The following METTL8 variants were observed in gnomAD, a reference collection of about 807,000 sequenced individuals.
METTL8 encodes methyltransferase 8, tRNA N3-cytidine, also known as tRNA N(3)-cytidine methyltransferase METTL8, mitochondrial.
In METTL8, 32 loss-of-function variants were observed where a neutral mutation model predicts 48.7. That is an observed-to-expected ratio of 0.66 (90% CI 0.50 to 0.88). METTL8 has a LOEUF of 0.88. Among genes scored for constraint, METTL8 ranks in the 40% least tolerant of loss-of-function variants. METTL8 has a pLI of 0.00. For missense variants in METTL8, 464 were observed against 474.4 expected, an observed-to-expected ratio of 0.98 and a Z score of 0.20; for synonymous variants, 136 against 157.1, an observed-to-expected ratio of 0.87 and a Z score of 1.01.
chr2:171,355,334 C>T (rs113279926), intron 3 of METTL8, among the ~76,000 whole-genome samples: 11 of 152,200 alleles, frequency 7.2e-5, no homozygotes, highest in African/African-American at 2.4e-4. Context: ...CTGGAAGCTT[C>T]GTCTCAGAGG....
chr2:171,328,802 G>A (rs540969065), intron 7 of METTL8, among the ~76,000 whole-genome samples: 2 of 152,158 alleles, frequency 1.3e-5, no homozygotes, highest in Non-Finnish European at 2.9e-5. Context: ...CAATTCTCCT[G>A]TCTCAGCCTC....
At chr2:171,343,125 C>G (rs939304186) in intron 3 of METTL8, among the ~76,000 whole-genome samples, 1 of 152,142 alleles carries the variant, frequency 6.6e-6, no homozygotes, top group South Asian at 2.1e-4. Context: ...AACAGGGTAA[C>G]CTTATGTAGC....
At chr2:171,344,463 G>A (rs1180193533) in intron 3 of METTL8, among the ~76,000 whole-genome samples, 3 of 152,138 alleles carry the variant, frequency 2.0e-5, no homozygotes, top group African/African-American at 7.2e-5. Context: ...CAATTATGAA[G>A]TATCAAGTTG....
chr2:171,340,384 C>T (rs140029576), intron 3 of METTL8, among the ~76,000 whole-genome samples: 1 of 144,848 alleles, frequency 6.9e-6, no homozygotes, highest in Non-Finnish European at 1.5e-5. Context: ...CACCTGTAAT[C>T]GCGGCTCCTC....
chr2:171,429,514 A>G (rs143904716), intron 1 of METTL8, among the ~76,000 whole-genome samples: 189 of 152,342 alleles, frequency 1.2e-3, no homozygotes, highest in African/African-American at 4.4e-3. Flanking sequence ...CTCATTGCTC[A>G]CAATCATTTG....
intron 1 of METTL8, among the ~76,000 whole-genome samples, chr2:171,423,274 G>A (rs755637507): frequency 6.6e-5 from 10 of 152,150 alleles, no homozygotes; most frequent in Non-Finnish European, 1.2e-4. Context: ...AGTAACGTGA[G>A]AACAGACTAA....
intron 5 of METTL8, among the ~76,000 whole-genome samples, chr2:171,334,284 G>A (rs1685857918): frequency 6.6e-6 from 1 of 152,088 alleles, no homozygotes; most frequent in Non-Finnish European, 1.5e-5. Context: ...CTGCCACGGT[G>A]GCAGCATGAC....
intron 5 of METTL8, 55 bp from the exon 6 acceptor site, chr2:171,331,922 G>A (rs949832593): frequency 6.8e-6 from 9 of 1,321,078 alleles, no homozygotes; most frequent in Non-Finnish European, 7.4e-6. Flanking sequence ...GTCTTGCGCT[G>A]TTGCCCAGGT....
chr2:171,340,678 C>G lies in METTL8; in HGVS notation c.236-1124G>C, dbSNP rs112039490. 2.6e-3 allele frequency among the ~76,000 whole-genome samples: 389 copies of G among 152,128 alleles called. 7 individuals are homozygous for G. The East Asian group carries it at 0.029, about 11-fold the overall frequency. ...CAGGAAATTTCAAAATTATAAACAA[C>G]ATAATTTAAGAGCTAAAAGGGTCCA... On this transcript the variant is annotated intron_variant, in intron 3 of 9. Transcript: ENST00000375258.
At chr2:171,414,274 G>A (rs896074593) in intron 1 of METTL8, among the ~76,000 whole-genome samples, 1 of 152,068 alleles carries the variant, frequency 6.6e-6, no homozygotes, top group Admixed American at 6.5e-5. Flanking sequence ...GAAATTAGCT[G>A]GGTGTGGTGG....
chr2:171,396,717 C>T (rs1202054938), intron 1 of METTL8, among the ~76,000 whole-genome samples: 2 of 152,052 alleles, frequency 1.3e-5, no homozygotes, highest in East Asian at 3.8e-4. Context: ...ATATGTTGAA[C>T]TGAATGATAA....
intron 2 of METTL8, among the ~76,000 whole-genome samples, chr2:171,363,792 T>TTATATTTATA (rs1685405688): frequency 1.0e-5 from 1 of 97,434 alleles, no homozygotes; most frequent in Non-Finnish European, 2.1e-5. Flanking sequence ...TCCCCAAATT[T>TTATATTTATA]TATATATATA....
intron 2 of METTL8, among the ~76,000 whole-genome samples, chr2:171,389,651 T>A (rs1688407806): frequency 6.6e-6 from 1 of 150,760 alleles, no homozygotes; most frequent in Admixed American, 6.6e-5. Flanking sequence ...AATATTCCCA[T>A]AAGCCAAAGC....
rs1439100334 is a variant in METTL8 at position 171,319,167 on chromosome 2, G to A, written c.*5005C>T. On this transcript the variant is annotated 3_prime_UTR_variant, in exon 10 of 10. Coordinates refer to ENST00000375258, the MANE Select transcript of METTL8 (RefSeq NM_001321154.2). Reference sequence around the variant, plus strand: ...AACCTTTGAAAAAGTCACTGTTGCTGGAATACTGTGTGTACTGCCTTGTAG... The same window carrying A: ...AACCTTTGAAAAAGTCACTGTTGCTAGAATACTGTGTGTACTGCCTTGTAG... The A allele has an allele frequency of 6.6e-6, 1 of 152,094 alleles. No homozygotes were observed. Among genetic ancestry groups the A allele is most frequent in the Admixed American group, 6.6e-5 (1 of 15,264 alleles). 9.4% of individuals were successfully genotyped at this position (152,094 alleles called of 1,614,324 possible).
At chr2:171,429,038 C>A (rs1559229298) in intron 1 of METTL8, among the ~76,000 whole-genome samples, 1 of 151,802 alleles carries the variant, frequency 6.6e-6, no homozygotes, top group Non-Finnish European at 1.5e-5. Flanking sequence ...TTATGTGAAC[C>A]CCTAGGGATT....
intron 1 of METTL8, among the ~76,000 whole-genome samples, chr2:171,398,825 T>C (rs1689370718): frequency 6.6e-6 from 1 of 151,952 alleles, no homozygotes; most frequent in Non-Finnish European, 1.5e-5. Context: ...ATATATACAA[T>C]TAAAGAAGAG....
rs192384458 is a variant in METTL8 at position 171,362,497 on chromosome 2, G to A, written c.144-1984C>T. Among the ~76,000 whole-genome samples the A allele has an allele frequency of 7.8e-4, 118 of 151,852 alleles. 2 individuals are homozygous for A. In the Middle Eastern group the frequency reaches 0.014, roughly 18 times the overall value. On this transcript the variant is annotated intron_variant, in intron 2 of 9. Coordinates refer to ENST00000375258, the MANE Select transcript of METTL8 (RefSeq NM_001321154.2). ...ATTGCTTATACAATCAGATATGAGAGGGTATATTCCAGTGACCTGGCTATA... is the reference window on the plus strand; with the variant it reads ...ATTGCTTATACAATCAGATATGAGAAGGTATATTCCAGTGACCTGGCTATA...
intron 5 of METTL8, among the ~76,000 whole-genome samples, chr2:171,334,424 A>G (rs888310251): frequency 1.3e-5 from 2 of 152,130 alleles, no homozygotes; most frequent in African/African-American, 4.8e-5. Context: ...AGGTGTAAAT[A>G]TCACTACTAC....
At chr2:171,430,340 AG>A (rs1310979945) in intron 1 of METTL8, among the ~76,000 whole-genome samples, 27 of 152,174 alleles carry the variant, frequency 1.8e-4, no homozygotes, top group African/African-American at 6.5e-4. Context: ...CCTGGACAAC[AG>A]AGCAAGACTC....
Sources: allele counts gnomAD v4.1 joint callset (sites outside exome capture counted in the v4.1 genomes callset), GRCh38; gene constraint gnomAD v4.1.1; transcripts MANE v1.5; gene names NCBI Gene and HGNC (gene_info 2026-07-23, HGNC 2026-07-21).